PPP1R12B: variants seen among roughly 807,000 people sequenced by gnomAD.
The protein encoded by PPP1R12B is myosin phosphatase target subunit 2.
A neutral mutation model predicts 126.1 loss-of-function variants in PPP1R12B; 76 were observed. The observed-to-expected ratio is 0.60, with a 90% CI of 0.50 to 0.73. PPP1R12B has a LOEUF of 0.73. Ranked by LOEUF, PPP1R12B falls within the 30% of genes least tolerant of loss-of-function variation. The pLI is 0.00. For synonymous variants in PPP1R12B, 356 were observed against 434.7 expected (o/e 0.82, Z 2.25); for missense variants, 1,052 against 1,205.1 (o/e 0.87, Z 1.88).
At chr1:202,562,069 C>T (rs531277150) in intron 19 of PPP1R12B, among the ~76,000 whole-genome samples, 1 of 152,306 alleles carries the variant, frequency 6.6e-6, no homozygotes, top group South Asian at 2.1e-4. Context: ...GATAGTTGTA[C>T]ACTTAAACAG....
At chr1:202,486,564 G>A (rs922534955) in intron 13 of PPP1R12B, among the ~76,000 whole-genome samples, 1 of 152,218 alleles carries the variant, frequency 6.6e-6, no homozygotes, top group Non-Finnish European at 1.5e-5. Flanking sequence ...CAGCACTCTG[G>A]GAAGTCGAGG....
intron 13 of PPP1R12B, among the ~76,000 whole-genome samples, 182 bp downstream of exon 13, chr1:202,449,353 G>A (rs1428136256): frequency 1.3e-5 from 2 of 151,082 alleles, no homozygotes; most frequent in East Asian, 3.9e-4. Flanking sequence ...TTGGCTCACT[G>A]CAACCTCCTC....
intron 19 of PPP1R12B, among the ~76,000 whole-genome samples, chr1:202,559,596 G>T (rs1338963919): frequency 6.6e-6 from 1 of 152,270 alleles, no homozygotes; most frequent in Admixed American, 6.5e-5. Context: ...CCAAAAGTTG[G>T]AATCTTTCTT....
rs1408179414 is a variant in PPP1R12B at position 202,551,262 on chromosome 1, TTAAG to T, written c.2491-7612_2491-7609del. On this transcript the variant is annotated intron_variant, in intron 18 of 23. Transcript: ENST00000608999. Reference sequence around the variant, plus strand: ...TGTTTAACTTTTTGTTCTATATGTATTAAGTAGTCAGTAAAGACAAATCAAGACA... The same window carrying T: ...TGTTTAACTTTTTGTTCTATATGTATTAGTCAGTAAAGACAAATCAAGACA... Among the ~76,000 whole-genome samples the T allele has an allele frequency of 2.7e-4, 41 of 152,246 alleles. 1 individual carries two copies.
chr1:202,374,757 C>T (rs925407223), intron 1 of PPP1R12B, among the ~76,000 whole-genome samples: 12 of 151,626 alleles, frequency 7.9e-5, no homozygotes, highest in Non-Finnish European at 1.6e-4. Flanking sequence ...CGCCTGGTCT[C>T]GAACTCCTGA....
At chr1:202,536,793 C>T (rs2148952644) in intron 18 of PPP1R12B, among the ~76,000 whole-genome samples, 1 of 151,022 alleles carries the variant, frequency 6.6e-6, no homozygotes, top group South Asian at 2.1e-4. Flanking sequence ...AACTTTAAAA[C>T]TTTCTTGTTA....
chr1:202,471,575 GTTTT>G (rs71142533), intron 13 of PPP1R12B, among the ~76,000 whole-genome samples: 4 of 113,680 alleles, frequency 3.5e-5, no homozygotes, highest in Admixed American at 1.8e-4. Context: ...GACTTAAAAT[GTTTT>G]TTTTTTTTTT....
intron 13 of PPP1R12B, among the ~76,000 whole-genome samples, chr1:202,451,665 C>T (rs893862904): frequency 7.2e-5 from 11 of 152,266 alleles, no homozygotes; most frequent in East Asian, 5.8e-4. Context: ...CATCATGGCC[C>T]GTTCTCAGTG....
chr1:202,388,407 T>A (rs1366166714), intron 1 of PPP1R12B, among the ~76,000 whole-genome samples: 1 of 152,206 alleles, frequency 6.6e-6, no homozygotes, highest in African/African-American at 2.4e-5. Flanking sequence ...GGTTTCACCA[T>A]GTTGGCCAGG....
At chr1:202,489,900 T>C (rs1678643663) in intron 14 of PPP1R12B, among the ~76,000 whole-genome samples, 1 of 152,192 alleles carries the variant, frequency 6.6e-6, no homozygotes, top group Non-Finnish European at 1.5e-5. Flanking sequence ...TTGAAGCAGT[T>C]TAAGGGAATA....
At chr1:202,433,834 A>T (rs1449290304) in intron 8 of PPP1R12B, among the ~76,000 whole-genome samples, 2 of 152,186 alleles carry the variant, frequency 1.3e-5, no homozygotes, top group Admixed American at 6.5e-5. Context: ...AGCACTGCCT[A>T]CTTAACTCTG....
At chr1:202,494,794 A>G (rs570883163) in intron 15 of PPP1R12B, among the ~76,000 whole-genome samples, 2 of 152,262 alleles carry the variant, frequency 1.3e-5, no homozygotes, top group South Asian at 4.1e-4. Flanking sequence ...AAGTTTCAGT[A>G]AGCCTGGTTA....
chr1:202,371,997 G>A (rs1452666932), intron 1 of PPP1R12B, among the ~76,000 whole-genome samples: 5 of 150,064 alleles, frequency 3.3e-5, no homozygotes, highest in African/African-American at 4.9e-5. Context: ...TCAGCCTCCC[G>A]AGTAGCTGGG....
intron 13 of PPP1R12B, chr1:202,473,989 G>C (rs771969050): frequency 1.1e-5 from 6 of 529,240 alleles, no homozygotes; most frequent in Admixed American, 5.9e-5. Flanking sequence ...TTTGTCAAAG[G>C]GGGCAGAGGG....
rs71142528 is a variant in PPP1R12B at position 202,381,434 on chromosome 1, G to GTGTGTGTGTGTGTGTGTGTATGTA, written c.291+32295_291+32296insGTGTGTGTGTGTGTGTATGTATGT. Among the ~76,000 whole-genome samples, 840 of 131,214 alleles carry GTGTGTGTGTGTGTGTGTGTATGTA rather than the reference G, an allele frequency of 6.4e-3. 27 individuals are homozygous for GTGTGTGTGTGTGTGTGTGTATGTA. The highest frequency in any genetic ancestry group is 0.024 in the African/African-American group (807 of 33,352). The allele number at this position is 131,214 out of a possible 152,430, so 86.1% of individuals were successfully genotyped here. A position where few individuals can be genotyped will look rare whatever the true frequency, so the allele number is the denominator to read the frequency against. Reference sequence around the variant, plus strand: ...TGTGTGTGTGTGTGTGTGTGTGTGTGTGTATCATCCCTCAACTGCCTCCTC... The same window carrying GTGTGTGTGTGTGTGTGTGTATGTA: ...TGTGTGTGTGTGTGTGTGTGTGTGTGTGTGTGTGTGTGTGTGTGTATGTATGTATCATCCCTCAACTGCCTCCTC... On this transcript the variant is annotated intron_variant, in intron 1 of 23. Coordinates refer to ENST00000608999, the MANE Select transcript of PPP1R12B (RefSeq NM_002481.4).
chr1:202,537,211 C>A (rs4950854), intron 18 of PPP1R12B, among the ~76,000 whole-genome samples: 39 of 151,814 alleles, frequency 2.6e-4, no homozygotes, highest in Admixed American at 1.3e-4. Context: ...AAAATTAGCC[C>A]GGCATGGTGG....
rs1681035378 is a variant in PPP1R12B, at chr1:202,508,161, C to T, written c.2490+11339C>T. Among the ~76,000 whole-genome samples the T allele has an allele frequency of 6.6e-6, 1 of 152,168 alleles. No individual in the cohort carries two copies. Among genetic ancestry groups the T allele is most frequent in the African/African-American group, 2.4e-5 (1 of 41,444 alleles). On this transcript the variant is annotated intron_variant, in intron 18 of 23. Transcript: ENST00000608999. The surrounding 1 kb of genome is among the most constrained non-coding windows in gnomAD (Gnocchi z 4.5). Reference sequence around the variant, plus strand: ...CAATTTTAACTTTTCTCCATACTGTCTCAGTCTTCAGTAAAGCAAGTTCAA... The same window carrying T: ...CAATTTTAACTTTTCTCCATACTGTTTCAGTCTTCAGTAAAGCAAGTTCAA...
intron 1 of PPP1R12B, among the ~76,000 whole-genome samples, chr1:202,367,708 A>AT (rs1341906212): frequency 2.6e-5 from 4 of 152,036 alleles, no homozygotes; most frequent in Non-Finnish European, 5.9e-5. Flanking sequence ...TCACCTTCTC[A>AT]TTTTTTTAAA....
intron 18 of PPP1R12B, among the ~76,000 whole-genome samples, chr1:202,556,391 A>G (rs1217098604): frequency 6.6e-6 from 1 of 152,202 alleles, no homozygotes. Context: ...TAACAATTCA[A>G]TTCAGTTAGT....
Sources: allele counts gnomAD v4.1 joint callset (sites outside exome capture counted in the v4.1 genomes callset), GRCh38; gene constraint gnomAD v4.1.1; non-coding constraint Gnocchi (gnomAD v3.1); transcripts MANE v1.5; gene names NCBI Gene and HGNC (gene_info 2026-07-23, HGNC 2026-07-21).